CFAP57: variants seen among roughly 807,000 people sequenced by gnomAD.
CFAP57 encodes the protein cilia- and flagella-associated protein 57.
A neutral mutation model predicts 146.8 loss-of-function variants in CFAP57; 116 were observed. The ratio of observed to expected loss-of-function variants is 0.79; its 90% CI spans 0.68 to 0.92. The LOEUF is 0.92. CFAP57 is among the 40% of genes least tolerant of loss of function. The probability of loss-of-function intolerance (pLI) is 0.00; values close to 1 mark genes in which losing one functional copy is unlikely to be tolerated. For synonymous variants in CFAP57, 518 were observed against 552.8 expected (o/e 0.94, Z 0.88); for missense variants, 1,377 against 1,527.2 (o/e 0.90, Z 1.64).
At chr1:43,251,290 G>C (rs1646318613) in intron 22 of CFAP57, among the ~76,000 whole-genome samples, 1 of 152,238 alleles carries the variant, frequency 6.6e-6, no homozygotes, top group African/African-American at 2.4e-5. Flanking sequence ...TGGGAGCTCA[G>C]TCTCAAATCC....
chr1:43,198,277 C>T (rs977131147), intron 7 of CFAP57, among the ~76,000 whole-genome samples: 1 of 152,176 alleles, frequency 6.6e-6, no homozygotes, highest in Non-Finnish European at 1.5e-5. Flanking sequence ...ATCGCTAGAC[C>T]ACACCTTGAC....
chr1:43,205,430 G>A (rs1194020509), intron 9 of CFAP57, among the ~76,000 whole-genome samples: 1 of 152,196 alleles, frequency 6.6e-6, no homozygotes, highest in Non-Finnish European at 1.5e-5. Flanking sequence ...GCTTTTCCAG[G>A]AGTAACATCC....
Position 43,254,295 on chromosome 1 carries a change from C to T in CFAP57, c.*104C>T, listed in dbSNP as rs1167223085. 7.2e-6 allele frequency: 7 copies of T among 970,254 alleles called. No homozygotes were observed. The Admixed American group carries it at 8.5e-5, about 12-fold the overall frequency. 60.1% of individuals were successfully genotyped at this position (970,254 alleles called of 1,614,324 possible). Reference sequence around the variant, plus strand: ...GTCTGTATGGTCCCTGCAGCACTGACCCCAGCAACCTCTTTCTCTTGCCCT... The same window carrying T: ...GTCTGTATGGTCCCTGCAGCACTGATCCCAGCAACCTCTTTCTCTTGCCCT... On this transcript the variant is annotated 3_prime_UTR_variant, in exon 23 of 23. Transcript: ENST00000372492.
At chr1:43,239,589 T>C (rs1251621336) in intron 21 of CFAP57, among the ~76,000 whole-genome samples, 1 of 152,032 alleles carries the variant, frequency 6.6e-6, no homozygotes, top group Non-Finnish European at 1.5e-5. Context: ...ACAAAATCAA[T>C]AGGACTCAGT....
rs1644789880 is a variant in CFAP57, at chr1:43,215,271, A to G, written c.1946A>G (p.Asp649Gly). The change falls in exon 12 of 23, where the codon GAT becomes GGT. Residue 649 changes from aspartate (D) to glycine (G), a missense_variant. By Grantham distance (94) the Asp-to-Gly change is moderately conservative. Coordinates refer to ENST00000372492, the MANE Select transcript of CFAP57 (RefSeq NM_001378189.1). The part of the protein sequence containing the change: ...GPITKMLLTF[D>G]DQFLLTAAED... ...TCTCTTCAGATGTTGCTTACCTTTGATGATCAGTTCCTGCTGACTGCTGCT... is the reference window on the plus strand; with the variant it reads ...TCTCTTCAGATGTTGCTTACCTTTGGTGATCAGTTCCTGCTGACTGCTGCT... 1 of 1,551,156 alleles carries G rather than the reference A, an allele frequency of 6.4e-7. No individual in the cohort carries two copies. The highest frequency in any genetic ancestry group is 1.2e-5 in the South Asian group (1 of 84,056).
rs764405310 is a variant in CFAP57 at position 43,209,773 on chromosome 1, AC to A, written c.1788del (p.Tyr597ThrfsTer12). Reference protein sequence around the residue: ...ILREISAFDVTYTAIVISHSG... With the variant: ...ILREISAFDVXYTAIVISHSG... ...TCGAGAGATATCGGCGTTTGATGTC[AC>A]CTACACCGCCATTGTCATCTCGCAT... On this transcript the variant is annotated frameshift_variant, in exon 11 of 23. Transcript: ENST00000372492. LOFTEE classifies it high-confidence loss of function. The A allele has an allele frequency of 1.9e-6, 3 of 1,613,922 alleles. No individual in the cohort carries two copies. In the East Asian group the frequency reaches 6.7e-5, roughly 36 times the overall value.
intron 11 of CFAP57, chr1:43,210,468 T>C: frequency 3.9e-6 from 4 of 1,034,878 alleles, no homozygotes; most frequent in Non-Finnish European, 4.7e-6. Context: ...ATGGTATATC[T>C]ATACAATGGA....
intron 21 of CFAP57, among the ~76,000 whole-genome samples, chr1:43,240,474 AC>A (rs1645870443): frequency 6.6e-6 from 1 of 152,174 alleles, no homozygotes; most frequent in Non-Finnish European, 1.5e-5. Context: ...CAGTGAACAT[AC>A]ACCCTTAAGT....
intron 22 of CFAP57, among the ~76,000 whole-genome samples, chr1:43,252,380 C>G (rs1243562656): frequency 6.6e-6 from 1 of 152,062 alleles, no homozygotes; most frequent in Non-Finnish European, 1.5e-5. Context: ...AAGTTTTAGT[C>G]TAGAATTTGC....
intron 2 of CFAP57, among the ~76,000 whole-genome samples, chr1:43,180,549 C>T (rs139190337): frequency 1.1e-4 from 17 of 152,114 alleles, no homozygotes; most frequent in Admixed American, 1.1e-3. Flanking sequence ...GCTGCTGCTT[C>T]ACAACACGCC....
chr1:43,254,221 G>T lies in CFAP57; in HGVS notation c.*30G>T. On this transcript the variant is annotated 3_prime_UTR_variant, in exon 23 of 23. Coordinates refer to ENST00000372492, the MANE Select transcript of CFAP57 (RefSeq NM_001378189.1). ...CTCTGGTGAGCCATCTCCAGCCACA[G>T]CCAGAAGAAACACAGCATGTCTGTC... is the stretch of plus-strand genomic sequence containing the variant. 6.6e-7 allele frequency: 1 copy of T among 1,526,656 alleles called. No individual in the cohort carries two copies. Among genetic ancestry groups the T allele is most frequent in the African/African-American group, 1.4e-5 (1 of 72,522 alleles). The allele number at this position is 1,526,656 out of a possible 1,614,324, so 94.6% of individuals were successfully genotyped here. A position where few individuals can be genotyped will look rare whatever the true frequency, so the allele number is the denominator to read the frequency against.
rs1644132199 is a variant in CFAP57, at chr1:43,201,745, A to C, written c.1542+2242A>C. Reference sequence around the variant, plus strand: ...ATTCTCCTGCCTCAGCCTCCTGAGTAGCTGGGATTACAGGCATGTACCACC... The same window carrying C: ...ATTCTCCTGCCTCAGCCTCCTGAGTCGCTGGGATTACAGGCATGTACCACC... On this transcript the variant is annotated intron_variant, in intron 9 of 22. Transcript: ENST00000372492. This position sits in a 1 kb window ranked among gnomAD's most constrained non-coding sequence, Gnocchi z 4.4. Among the ~76,000 whole-genome samples the C allele has an allele frequency of 6.6e-6, 1 of 152,188 alleles. No individual in the cohort carries two copies. Among genetic ancestry groups the C allele is most frequent in the African/African-American group, 2.4e-5 (1 of 41,448 alleles).
chr1:43,195,135 C>T (rs1049338444), intron 6 of CFAP57, among the ~76,000 whole-genome samples: 6 of 152,064 alleles, frequency 3.9e-5, no homozygotes, highest in African/African-American at 9.7e-5. Flanking sequence ...GCAAGGAATC[C>T]GATAATTCTT....
intron 10 of CFAP57, among the ~76,000 whole-genome samples, chr1:43,207,472 G>A (rs565125119): frequency 1.2e-4 from 18 of 152,262 alleles, no homozygotes; most frequent in Non-Finnish European, 2.1e-4. Context: ...TTGTAGCCTC[G>A]GAGCAGTAGG....
intron 2 of CFAP57, among the ~76,000 whole-genome samples, chr1:43,179,101 C>T (rs981669080): frequency 2.6e-5 from 4 of 151,904 alleles, no homozygotes; most frequent in Non-Finnish European, 4.4e-5. Flanking sequence ...CACTTGGACA[C>T]AGGAAAGGGA....
rs757154706 is a variant in CFAP57 at position 43,181,698 on chromosome 1, C to T, written c.322C>T (p.Gln108Ter). The change falls in exon 3 of 23, where the codon CAG becomes TAG. Residue 108 changes from glutamine to a stop codon, truncating the protein, a stop_gained. Transcript: ENST00000372492. LOFTEE classifies it high-confidence loss of function. ...TCTTAATAATTTTGACTTCCAAGTT[C>T]AGAAATTTATTAGCATGGCTTTTTC... Reference protein sequence around the residue: ...KVLNNFDFQVQKFISMAFSPD... With the variant: ...KVLNNFDFQV 26 of 1,614,118 alleles carry T rather than the reference C, an allele frequency of 1.6e-5. 1 individual carries two copies. The South Asian group carries it at 2.6e-4, about 16-fold the overall frequency.
rs764205138 is a variant in CFAP57 at position 43,236,590 on chromosome 1, T to TAAAAAAA, written c.3405+1973_3405+1979dup. 2.6e-4 allele frequency among the ~76,000 whole-genome samples: 11 copies of TAAAAAAA among 41,806 alleles called. 2 individuals carry two copies. Among genetic ancestry groups the TAAAAAAA allele is most frequent in the East Asian group, 2.2e-3 (2 of 900 alleles). 27.4% of individuals were successfully genotyped at this position (41,806 alleles called of 152,430 possible). A position where few individuals can be genotyped will look rare whatever the true frequency, so the allele number is the denominator to read the frequency against. On this transcript the variant is annotated intron_variant, in intron 21 of 22. Transcript: ENST00000372492. The stretch of plus-strand genomic sequence containing the variant: ...CACTGGCCTGGTACAGAATAAGTGC[T>TAAAAAAA]AAAAAAAAAAAAAAAAAAAAAAAAA...
chr1:43,220,949 C>G (rs1645021048), intron 13 of CFAP57, among the ~76,000 whole-genome samples: 2 of 152,166 alleles, frequency 1.3e-5, no homozygotes, highest in African/African-American at 4.8e-5. Context: ...ACACCACCTC[C>G]AACTCGCCCC....
intron 9 of CFAP57, among the ~76,000 whole-genome samples, chr1:43,206,190 G>A (rs1408257306): frequency 1.3e-5 from 2 of 151,844 alleles, no homozygotes; most frequent in Admixed American, 6.6e-5. Flanking sequence ...CAAACTGCTG[G>A]GCTCAAGTGA....
Sources: gnomAD v4.1 joint callset for allele counts (sites outside exome capture counted in the v4.1 genomes callset) on GRCh38, gnomAD v4.1.1 for gene constraint, Gnocchi (gnomAD v3.1) non-coding constraint, MANE v1.5 for transcripts, NCBI Gene and HGNC (gene_info 2026-07-23, HGNC 2026-07-21) for gene names.